RABGAP1L: variants seen among roughly 807,000 people sequenced by gnomAD.
RABGAP1L encodes the protein rab GTPase-activating protein 1-like.
In RABGAP1L, 63 loss-of-function variants were observed where a neutral mutation model predicts 137.7. The ratio of observed to expected loss-of-function variants is 0.46; its 90% confidence interval spans 0.37 to 0.56. The LOEUF (loss-of-function observed/expected upper bound fraction) is 0.56, where lower values mean the gene tolerates loss of function less well. RABGAP1L is among the 20% of genes least tolerant of loss of function. The pLI is 0.00. For synonymous variants in RABGAP1L, 431 were observed against 433.7 expected (o/e 0.99, Z 0.08); for missense variants, 1,095 against 1,244.0 (o/e 0.88, Z 1.80).
chr1:174,934,823 A>T (rs1664480377), intron 19 of RABGAP1L: 1 of 152,188 alleles, frequency 6.6e-6, no homozygotes, highest in South Asian at 2.1e-4. Flanking sequence ...GTGTGTGTAT[A>T]CACATATATA....
At chr1:174,427,183 TGA>T (rs983195611) in intron 13 of RABGAP1L, among the ~76,000 whole-genome samples, 3 of 144,926 alleles carry the variant, frequency 2.1e-5, no homozygotes, top group South Asian at 2.2e-4. Flanking sequence ...TGTGTGTGTG[TGA>T]ACATTGATTT....
chr1:174,676,495 G>A (rs1302536564), intron 14 of RABGAP1L, among the ~76,000 whole-genome samples: 4 of 152,146 alleles, frequency 2.6e-5, no homozygotes, highest in African/African-American at 9.7e-5. Flanking sequence ...GCAAACTGAA[G>A]TTTTCCCTGG....
At chr1:174,846,054 T>C (rs1247952184) in intron 19 of RABGAP1L, among the ~76,000 whole-genome samples, 1 of 151,288 alleles carries the variant, frequency 6.6e-6, no homozygotes, top group Non-Finnish European at 1.5e-5. Context: ...TTTGTATTTC[T>C]GTGGGATCGG....
At chr1:174,191,692 T>C (rs532872483) in intron 1 of RABGAP1L, among the ~76,000 whole-genome samples, 8 of 152,216 alleles carry the variant, frequency 5.3e-5, no homozygotes, top group Non-Finnish European at 1.2e-4. Flanking sequence ...CCAGGTCTTA[T>C]AACTGCTTGG....
At chr1:174,640,056 C>T (rs551733985) in intron 14 of RABGAP1L, among the ~76,000 whole-genome samples, 28 of 152,180 alleles carry the variant, frequency 1.8e-4, no homozygotes, top group South Asian at 4.1e-4. Context: ...TTACATTAGA[C>T]ATAGTATTAA....
At chr1:174,522,495 G>A (rs555331479) in intron 13 of RABGAP1L, among the ~76,000 whole-genome samples, 45 of 151,932 alleles carry the variant, frequency 3.0e-4, no homozygotes, top group Middle Eastern at 3.4e-3. Context: ...ACTTGAGCCC[G>A]GGAGGTTGAG....
At chr1:174,587,305 A>AG (rs1413044397) in intron 13 of RABGAP1L, among the ~76,000 whole-genome samples, 1 of 64,508 alleles carries the variant, frequency 1.6e-5, no homozygotes, top group African/African-American at 6.3e-5. Flanking sequence ...GGGTGGGGGG[A>AG]GGGGGGAGGG....
Position 174,302,614 on chromosome 1 carries a change from A to G in RABGAP1L, c.1324-2372A>G, listed in dbSNP as rs16846832. 5.3e-3 allele frequency among the ~76,000 whole-genome samples: 810 copies of G among 152,334 alleles called. 10 individuals carry two copies. Among genetic ancestry groups the G allele is most frequent in the African/African-American group, 0.018 (768 of 41,576 alleles). ...TTTGGAGAGAAGAGGCTTGCCCATA[A>G]GAAAAGGATAGGCTTCAGGTCAGGA... On this transcript the variant is annotated intron_variant, in intron 10 of 25. Transcript: ENST00000681986.
chr1:174,853,350 A>G (rs929456975), intron 19 of RABGAP1L, among the ~76,000 whole-genome samples: 7 of 152,162 alleles, frequency 4.6e-5, no homozygotes, highest in South Asian at 2.1e-4. Context: ...AAAGAAATTG[A>G]AATCTTCTGG....
At chr1:174,386,692 A>G (rs1686813562) in intron 12 of RABGAP1L, among the ~76,000 whole-genome samples, 2 of 151,980 alleles carry the variant, frequency 1.3e-5, no homozygotes, top group Admixed American at 1.3e-4. Context: ...TATCTTTAGT[A>G]GAGACGGAGT....
At chr1:174,288,797 T>C (rs1360724758) in intron 10 of RABGAP1L, among the ~76,000 whole-genome samples, 1 of 152,210 alleles carries the variant, frequency 6.6e-6, no homozygotes, top group East Asian at 1.9e-4. Flanking sequence ...TTTTTCAGTC[T>C]CTTTATCTGT....
intron 18 of RABGAP1L, among the ~76,000 whole-genome samples, chr1:174,796,398 C>T (rs1279327172): frequency 6.6e-6 from 1 of 152,124 alleles, no homozygotes; most frequent in Non-Finnish European, 1.5e-5. Flanking sequence ...AGGAAAAGCT[C>T]ACTGAAATGA....
At chr1:174,291,135 T>TATAA (rs1274896069) in intron 10 of RABGAP1L, among the ~76,000 whole-genome samples, 1 of 152,232 alleles carries the variant, frequency 6.6e-6, no homozygotes. Flanking sequence ...TCTGAATGCC[T>TATAA]ATAAATTCTT....
intron 4 of RABGAP1L, among the ~76,000 whole-genome samples, chr1:174,241,176 C>T (rs1173429580): frequency 1.3e-5 from 2 of 151,852 alleles, no homozygotes; most frequent in Non-Finnish European, 2.9e-5. Flanking sequence ...AAAAATTAGC[C>T]GGGTGTGATG....
intron 12 of RABGAP1L, among the ~76,000 whole-genome samples, chr1:174,387,674 G>T (rs1686908937): frequency 6.6e-6 from 1 of 151,834 alleles, no homozygotes. Flanking sequence ...CAGAGATGAG[G>T]CTCCAAATGG....
intron 11 of RABGAP1L, among the ~76,000 whole-genome samples, chr1:174,318,616 CTTTCTTTCTTTCTTTCTTT>C (rs1261204301): frequency 3.5e-5 from 5 of 144,610 alleles, no homozygotes; most frequent in African/African-American, 1.3e-4. Flanking sequence ...TTCTTTCTTT[CTTTCTTTCTTTCTTTCTTT>C]TTCTTTCTTT....
chr1:174,407,821 G>GT (rs1157700567), intron 13 of RABGAP1L, among the ~76,000 whole-genome samples: 1 of 152,070 alleles, frequency 6.6e-6, no homozygotes, highest in East Asian at 1.9e-4. Context: ...TGTTACTCAA[G>GT]TTTTATGGTA....
In RABGAP1L at chr1:174,609,998, C is replaced by T. The variant is rs900273257; in HGVS notation, c.1711-27377C>T. ...AATATGTAAAATTATTTTTATATAT[C>T]ATCTTTGATATTAGAAAAGACATTT... is the stretch of plus-strand genomic sequence containing the variant. On this transcript the variant is annotated intron_variant, in intron 13 of 25. Transcript: ENST00000681986. Among the ~76,000 whole-genome samples, 7 of 149,768 alleles carry T rather than the reference C, an allele frequency of 4.7e-5. No homozygotes were observed. The South Asian group carries it at 1.5e-3, about 31-fold the overall frequency.
chr1:174,558,619 G>A (rs1325539186), intron 13 of RABGAP1L, among the ~76,000 whole-genome samples: 1 of 152,144 alleles, frequency 6.6e-6, no homozygotes, highest in Non-Finnish European at 1.5e-5. Context: ...ATTTGGAGAT[G>A]ATACTCTTGA....
Sources: gnomAD v4.1 joint callset for allele counts (sites outside exome capture counted in the v4.1 genomes callset) on GRCh38, gnomAD v4.1.1 for gene constraint, MANE v1.5 for transcripts, NCBI Gene and HGNC (gene_info 2026-07-23, HGNC 2026-07-21) for gene names.